UBE3C: variants seen among roughly 807,000 people sequenced by gnomAD.
UBE3C encodes the protein ubiquitin-protein ligase E3C.
A neutral mutation model predicts 129.4 loss-of-function variants in UBE3C; 42 were observed. The observed-to-expected ratio is 0.32, with a 90% confidence interval of 0.25 to 0.42. UBE3C has a LOEUF of 0.42. Ranked by LOEUF, UBE3C falls within the 10% of genes least tolerant of loss-of-function variation. UBE3C has a pLI of 1.00. For synonymous variants in UBE3C, 510 were observed against 492.4 expected (o/e 1.04, Z -0.47); for missense variants, 1,049 against 1,319.1 (o/e 0.80, Z 3.17).
chr7:157,234,124 T>TGTC (rs1796092635), intron 18 of UBE3C, among the ~76,000 whole-genome samples: 1 of 15,314 alleles, frequency 6.5e-5, no homozygotes, highest in Non-Finnish European at 9.7e-5. Context: ...TTGCAAGTAT[T>TGTC]TTCTTCTCTG....
chr7:157,213,310 C>T (rs577925149), intron 13 of UBE3C, among the ~76,000 whole-genome samples: 3 of 152,334 alleles, frequency 2.0e-5, no homozygotes, highest in East Asian at 1.9e-4. Flanking sequence ...GTTCTCAAGT[C>T]GTAACTACCT....
intron 18 of UBE3C, among the ~76,000 whole-genome samples, chr7:157,234,497 A>G (rs531124448): frequency 6.6e-6 from 1 of 152,358 alleles, no homozygotes; most frequent in Admixed American, 6.5e-5. Context: ...TATTAATAGC[A>G]GATGGGAGTA....
chr7:157,252,245 T>G (rs1044392478), intron 19 of UBE3C, among the ~76,000 whole-genome samples: 1 of 152,206 alleles, frequency 6.6e-6, no homozygotes. Flanking sequence ...GTCTTCCAAA[T>G]CATACAAGTA....
intron 18 of UBE3C, among the ~76,000 whole-genome samples, chr7:157,240,560 A>G (rs1164653348): frequency 1.3e-5 from 2 of 152,144 alleles, no homozygotes; most frequent in African/African-American, 4.8e-5. Flanking sequence ...TAGGATGTAG[A>G]GTCAGATTTA....
chr7:157,237,145 T>TA (rs1554435934), intron 18 of UBE3C, among the ~76,000 whole-genome samples: 1 of 152,170 alleles, frequency 6.6e-6, no homozygotes, highest in Non-Finnish European at 1.5e-5. Context: ...TTGCTGCACC[T>TA]AAATAAGATT....
rs182438306 is a variant in UBE3C at position 157,170,211 on chromosome 7, A to G, written c.196-93A>G. On this transcript the variant is annotated intron_variant, in intron 3 of 22. Transcript: ENST00000348165. ...GGTGTTTTCGTTGTCAATTTCCACC[A>G]TTCCTGTAAACACAGCAACGTATAT... The G allele has an allele frequency of 8.5e-5, 100 of 1,176,228 alleles. No homozygotes were observed. In the African/African-American group the frequency reaches 1.2e-3, roughly 14 times the overall value. The allele number at this position is 1,176,228 out of a possible 1,614,324, so 72.9% of individuals were successfully genotyped here. A position where few individuals can be genotyped will look rare whatever the true frequency, so the allele number is the denominator to read the frequency against.
chr7:157,198,313 G>C, intron 10 of UBE3C: 4 of 831,718 alleles, frequency 4.8e-6, no homozygotes, highest in Non-Finnish European at 8.6e-6. Flanking sequence ...TGTCAGACTT[G>C]GAAGATTTGC....
chr7:157,181,994 A>G (rs1586668950), intron 7 of UBE3C, 114 bp from the exon 8 acceptor site: 1 of 1,150,010 alleles, frequency 8.7e-7, no homozygotes, highest in Admixed American at 3.1e-5. Flanking sequence ...AACTTGGCTA[A>G]TTTAGAAGAG....
intron 17 of UBE3C, among the ~76,000 whole-genome samples, chr7:157,227,625 G>A (rs951506912): frequency 6.6e-6 from 1 of 151,956 alleles, no homozygotes; most frequent in South Asian, 2.1e-4. Context: ...GCATGAACCC[G>A]GGAGGCGGAG....
At chr7:157,210,090 T>C (rs1218813296) in intron 13 of UBE3C, among the ~76,000 whole-genome samples, 1 of 152,116 alleles carries the variant, frequency 6.6e-6, no homozygotes, top group Non-Finnish European at 1.5e-5. Flanking sequence ...GGCAGGAGAA[T>C]TGCTAGAACC....
rs1222889647 is a variant in UBE3C, at chr7:157,182,275, G to A, written c.938G>A (p.Gly313Asp). Residue 313 changes from glycine to aspartate, a missense_variant, in exon 8 of 23, where the codon GGT (glycine) becomes GAT (aspartate). By Grantham distance (94) the Gly-to-Asp change is moderately conservative. Coordinates refer to ENST00000348165, the MANE Select transcript of UBE3C (RefSeq NM_014671.3). ...GAGAGTAGATGTTCAAGAAAGAGTG[G>A]TGGAGCACCCTGGCTTTTCTATTTC... ...LIESRCSRKS[G>D]GAPWLFYFVL... 2.5e-6 allele frequency: 4 copies of A among 1,614,164 alleles called. No individual in the cohort carries two copies. Among genetic ancestry groups the A allele is most frequent in the East Asian group, 2.2e-5 (1 of 44,886 alleles).
intron 1 of UBE3C, among the ~76,000 whole-genome samples, chr7:157,143,859 G>A (rs1187922291): frequency 6.6e-6 from 1 of 152,222 alleles, no homozygotes; most frequent in Non-Finnish European, 1.5e-5. Flanking sequence ...TGGAGTTTGG[G>A]ACAGGGTGGG....
intron 4 of UBE3C, among the ~76,000 whole-genome samples, chr7:157,174,651 A>G (rs1489952148): frequency 1.3e-5 from 2 of 152,022 alleles, no homozygotes; most frequent in African/African-American, 2.4e-5. Flanking sequence ...ACAGGGTTTC[A>G]CCATGTTGGC....
At chr7:157,166,648 G>A (rs1808222173) in intron 2 of UBE3C, among the ~76,000 whole-genome samples, 1 of 151,364 alleles carries the variant, frequency 6.6e-6, no homozygotes, top group Admixed American at 6.6e-5. Flanking sequence ...CCTGAGGCAG[G>A]AGAATTGCTT....
At chr7:157,156,726 A>C (rs920477566) in intron 1 of UBE3C, among the ~76,000 whole-genome samples, 3 of 151,970 alleles carry the variant, frequency 2.0e-5, no homozygotes, top group African/African-American at 7.3e-5. Context: ...AAAAAAAAAA[A>C]AAAACACAAG....
At position 157,139,334 on chromosome 7, in the gene UBE3C, G is replaced by A. The variant is rs1318959442; in HGVS notation, c.62G>A (p.Arg21Lys). 2 of 1,580,894 alleles carry A rather than the reference G, an allele frequency of 1.3e-6. No homozygotes were observed. Among genetic ancestry groups the A allele is most frequent in the Non-Finnish European group, 1.7e-6 (2 of 1,171,796 alleles). The change falls in exon 1 of 23, where the codon AGG (arginine) becomes AAG (lysine). Residue 21 changes from arginine (R) to lysine (K), a missense_variant. By Grantham distance (26) the Arg-to-Lys change is conservative. Transcript: ENST00000348165. ...RPKVSLGGAS[R>K]KEEKASLLHR... is the part of the protein sequence containing the mutation. Reference sequence around the variant, plus strand: ...AAGGTGTCCCTTGGCGGCGCGAGCAGGAAGGTGAGGGCCGGGCTGGCGGGG... The same window carrying A: ...AAGGTGTCCCTTGGCGGCGCGAGCAAGAAGGTGAGGGCCGGGCTGGCGGGG...
intron 12 of UBE3C, 66 bp from the exon 13 acceptor site, chr7:157,207,637 T>C: frequency 6.3e-7 from 1 of 1,586,164 alleles, no homozygotes; most frequent in Non-Finnish European, 8.5e-7. Context: ...TTAAGCTTTT[T>C]AAGTCTTTCA....
intron 17 of UBE3C, among the ~76,000 whole-genome samples, chr7:157,227,453 CT>C (rs1795910463): frequency 6.6e-6 from 1 of 152,082 alleles, no homozygotes. Context: ...AATCCCAGCA[CT>C]TTGGGAGGCT....
chr7:157,167,945 T>C (rs1381461784), intron 2 of UBE3C, among the ~76,000 whole-genome samples: 2 of 152,238 alleles, frequency 1.3e-5, no homozygotes, highest in Non-Finnish European at 2.9e-5. Context: ...CTGAACATTT[T>C]AAAGATACTC....
Sources: gnomAD v4.1 joint callset for allele counts (sites outside exome capture counted in the v4.1 genomes callset) on GRCh38, gnomAD v4.1.1 for gene constraint, MANE v1.5 for transcripts, NCBI Gene and HGNC (gene_info 2026-07-23, HGNC 2026-07-21) for gene names.